FAM83B: variants seen among roughly 807,000 people sequenced by gnomAD.
FAM83B encodes the protein protein FAM83B.
A neutral mutation model predicts 38.8 loss-of-function variants in FAM83B; 26 were observed. The observed-to-expected ratio is 0.67, with a 90% CI of 0.49 to 0.93. The LOEUF (loss-of-function observed/expected upper bound fraction) is 0.93, where lower values mean the gene tolerates loss of function less well. FAM83B is among the 40% of genes least tolerant of loss of function. The pLI is 0.00. For missense variants in FAM83B, 1,237 were observed against 1,197.3 expected (o/e 1.03, Z -0.49); for synonymous variants, 419 against 423.1 (o/e 0.99, Z 0.12).
chr6:54,867,775 T>A (rs986899331), intron 1 of FAM83B, among the ~76,000 whole-genome samples: 2 of 152,140 alleles, frequency 1.3e-5, no homozygotes, highest in African/African-American at 4.8e-5. Context: ...AAATAGGTAG[T>A]ATTTTAAAAG....
chr6:54,875,872 T>A (rs1008308501), intron 2 of FAM83B, among the ~76,000 whole-genome samples: 4 of 152,216 alleles, frequency 2.6e-5, no homozygotes, highest in African/African-American at 9.6e-5. Context: ...GGCAGTACTC[T>A]GTCTTTAACA....
intron 2 of FAM83B, among the ~76,000 whole-genome samples, chr6:54,918,237 C>A (rs1294626427): frequency 6.6e-6 from 1 of 152,058 alleles, no homozygotes; most frequent in African/African-American, 2.4e-5. Flanking sequence ...AAATCTATTT[C>A]TCCTTACATT....
At position 54,942,565 on chromosome 6, in the gene FAM83B, A is replaced by AT. The variant is rs112602113; in HGVS notation, c.*567dup. 0.018 allele frequency among the ~76,000 whole-genome samples: 2,722 copies of AT among 150,024 alleles called. 187 individuals are homozygous for AT. Among genetic ancestry groups the AT allele is most frequent in the Admixed American group, 0.13 (2,012 of 15,054 alleles). ...GTACCTTTTACATTTTTTATTTTTT[A>AT]TTTTTTTTTCTGCCTGAAGTGTTTG... is the stretch of plus-strand genomic sequence containing the variant. On this transcript the variant is annotated 3_prime_UTR_variant, in exon 5 of 5. Transcript: ENST00000306858.
chr6:54,905,086 A>G (rs1421711401), intron 2 of FAM83B, among the ~76,000 whole-genome samples: 1 of 151,364 alleles, frequency 6.6e-6, no homozygotes. Context: ...ACCTAGTGGG[A>G]ATAAAGTCTT....
rs76845986 is a variant in FAM83B at position 54,916,217 on chromosome 6, G to A, written c.445-10154G>A. Among the ~76,000 whole-genome samples the A allele has an allele frequency of 3.2e-3, 487 of 152,002 alleles. 5 individuals are homozygous for A. The highest frequency in any genetic ancestry group is 0.011 in the African/African-American group (452 of 41,448). On this transcript the variant is annotated intron_variant, in intron 2 of 4. Transcript: ENST00000306858. The stretch of plus-strand genomic sequence containing the variant: ...CCTTATGCAGAGGGATTTTTACTCC[G>A]TCCTCCCTCTTTCTCTTTCTGCCTG...
At chr6:54,861,610 T>C (rs1224066547) in intron 1 of FAM83B, among the ~76,000 whole-genome samples, 1 of 152,190 alleles carries the variant, frequency 6.6e-6, no homozygotes, top group Non-Finnish European at 1.5e-5. Flanking sequence ...TGTGGTCTCT[T>C]GGGTTCTTTC....
chr6:54,904,043 C>T (rs1373622845), intron 2 of FAM83B, among the ~76,000 whole-genome samples: 1 of 151,380 alleles, frequency 6.6e-6, no homozygotes, highest in Non-Finnish European at 1.5e-5. Flanking sequence ...TGTGCCCTCT[C>T]ATTTGGCCAA....
chr6:54,863,927 C>A (rs561970704), intron 1 of FAM83B, among the ~76,000 whole-genome samples: 2 of 152,234 alleles, frequency 1.3e-5, no homozygotes, highest in South Asian at 4.2e-4. Context: ...TGGCACAAGA[C>A]ACAACTTTAT....
intron 1 of FAM83B, 82 bp downstream of exon 1, chr6:54,846,908 T>TAGG (rs1554142383): frequency 6.6e-6 from 1 of 151,106 alleles, no homozygotes; most frequent in African/African-American, 2.4e-5. Context: ...CTTGGGGTAC[T>TAGG]GGGGGGGCCC....
intron 2 of FAM83B, among the ~76,000 whole-genome samples, chr6:54,872,928 T>C (rs1771892706): frequency 6.6e-6 from 1 of 152,084 alleles, no homozygotes; most frequent in South Asian, 2.1e-4. Context: ...AATTATTTGA[T>C]CTTGTAAACT....
intron 2 of FAM83B, among the ~76,000 whole-genome samples, chr6:54,913,569 A>G (rs1370801872): frequency 6.6e-6 from 1 of 152,062 alleles, no homozygotes; most frequent in Non-Finnish European, 1.5e-5. Context: ...AAATACTGAC[A>G]GGTGACTTTG....
intron 1 of FAM83B, among the ~76,000 whole-genome samples, chr6:54,852,972 G>A (rs1248807348): frequency 6.7e-6 from 1 of 149,446 alleles, no homozygotes; most frequent in Non-Finnish European, 1.5e-5. Context: ...ATTGGCTATT[G>A]TTGTTAGTGT....
chr6:54,870,060 A>G (rs1041667527), intron 1 of FAM83B, 127 bp from the exon 2 acceptor site: 2 of 556,822 alleles, frequency 3.6e-6, no homozygotes, highest in South Asian at 2.5e-5. Flanking sequence ...TGGATATGAA[A>G]TATGTGTCAT....
At chr6:54,910,270 A>G (rs1581916504) in intron 2 of FAM83B, among the ~76,000 whole-genome samples, 1 of 152,112 alleles carries the variant, frequency 6.6e-6, no homozygotes, top group East Asian at 1.9e-4. Flanking sequence ...CCAACAAGAA[A>G]CCTGGAAATA....
intron 1 of FAM83B, among the ~76,000 whole-genome samples, chr6:54,861,367 C>T (rs1000276330): frequency 6.6e-6 from 1 of 152,098 alleles, no homozygotes; most frequent in Non-Finnish European, 1.5e-5. Context: ...CCAGCCTGGC[C>T]AACATGGCAA....
intron 2 of FAM83B, among the ~76,000 whole-genome samples, chr6:54,919,767 T>A (rs1561925066): frequency 6.6e-6 from 1 of 152,056 alleles, no homozygotes; most frequent in African/African-American, 2.4e-5. Flanking sequence ...TTTATGATAG[T>A]GCTTGAAGTC....
intron 2 of FAM83B, among the ~76,000 whole-genome samples, chr6:54,913,204 T>G (rs764573921): frequency 6.6e-6 from 1 of 152,042 alleles, no homozygotes; most frequent in Non-Finnish European, 1.5e-5. Flanking sequence ...GGAAGAATAT[T>G]TGGTTAAGGT....
chr6:54,850,389 C>T (rs552490361), intron 1 of FAM83B, among the ~76,000 whole-genome samples: 18 of 152,290 alleles, frequency 1.2e-4, no homozygotes, highest in African/African-American at 4.1e-4. Context: ...TTGAGAGTAT[C>T]ATAAAATAAT....
rs561363029 is a variant in FAM83B, at chr6:54,940,468, C to T, written c.1497C>T (p.Ser499=). 2.5e-6 allele frequency: 4 copies of T among 1,614,052 alleles called. No homozygotes were observed. The African/African-American group carries it at 5.3e-5, about 22-fold the overall frequency. Reference sequence around the variant, plus strand: ...TCCTACGTAACTGGAGAATTGAATCCTACTTAAATGATCATTCAGAAGCTA... The same window carrying T: ...TCCTACGTAACTGGAGAATTGAATCTTACTTAAATGATCATTCAGAAGCTA... The part of the protein sequence containing the change: ...KSFLRNWRIE[S]YLNDHSEATP... The change falls in exon 5 of 5, where the codon TCC becomes TCT. Residue 499 remains serine (S), a synonymous_variant. Coordinates refer to ENST00000306858, the MANE Select transcript of FAM83B (RefSeq NM_001010872.3).
Sources: allele counts gnomAD v4.1 joint callset (sites outside exome capture counted in the v4.1 genomes callset), GRCh38; gene constraint gnomAD v4.1.1; transcripts MANE v1.5; gene names NCBI Gene and HGNC (gene_info 2026-07-23, HGNC 2026-07-21).